SEPTIN7: variants seen among roughly 807,000 people sequenced by gnomAD.
SEPTIN7 encodes the protein septin 7, also known as septin-7.
A neutral mutation model predicts 63.3 loss-of-function variants in SEPTIN7; 10 were observed. The ratio of observed to expected loss-of-function variants is 0.16; its 90% CI spans 0.10 to 0.27. The LOEUF (loss-of-function observed/expected upper bound fraction) is 0.27. Among genes scored for constraint, SEPTIN7 ranks in the 10% least tolerant of loss-of-function variants. SEPTIN7 has a pLI of 1.00. For synonymous variants in SEPTIN7, 131 were observed against 165.3 expected (o/e 0.79, Z 1.59); for missense variants, 310 against 521.0 (o/e 0.59, Z 3.94).
At chr7:35,824,224 T>C (rs1783390654) in intron 1 of SEPTIN7, among the ~76,000 whole-genome samples, 1 of 152,192 alleles carries the variant, frequency 6.6e-6, no homozygotes, top group Non-Finnish European at 1.5e-5. Flanking sequence ...AGTAGATTTT[T>C]CTGTATCCTT....
In SEPTIN7 at chr7:35,865,995, G is replaced by A. The variant is rs188069599; in HGVS notation, c.276+2337G>A. Among the ~76,000 whole-genome samples, 370 of 152,310 alleles carry A rather than the reference G, an allele frequency of 2.4e-3. 2 individuals carry two copies. The highest frequency in any genetic ancestry group is 8.4e-3 in the African/African-American group (348 of 41,568). On this transcript the variant is annotated intron_variant, in intron 4 of 13. Transcript: ENST00000350320. Reference sequence around the variant, plus strand: ...AAACTCTCTTTATCTTGAAAACAAAGGGGTAATGGAGGTAAGAATATCTCT... The same window carrying A: ...AAACTCTCTTTATCTTGAAAACAAAAGGGTAATGGAGGTAAGAATATCTCT...
intron 1 of SEPTIN7, among the ~76,000 whole-genome samples, chr7:35,815,826 T>A (rs1251080153): frequency 1.3e-5 from 2 of 152,240 alleles, no homozygotes; most frequent in Admixed American, 6.5e-5. Flanking sequence ...TTTTGTTTTT[T>A]TAATGGGAAT....
intron 3 of SEPTIN7, among the ~76,000 whole-genome samples, chr7:35,860,917 CTGT>C (rs1364828354): frequency 6.6e-6 from 1 of 152,130 alleles, no homozygotes; most frequent in Non-Finnish European, 1.5e-5. Context: ...CATGTAATCT[CTGT>C]TCATTTCTCT....
chr7:35,827,012 G>T (rs1312072807), intron 1 of SEPTIN7, among the ~76,000 whole-genome samples: 1 of 152,136 alleles, frequency 6.6e-6, no homozygotes, highest in Non-Finnish European at 1.5e-5. Flanking sequence ...AGGAAGGTTA[G>T]AACTAAGTTA....
intron 2 of SEPTIN7, 45 bp from the exon 3 acceptor site, chr7:35,832,753 G>A: frequency 1.0e-6 from 1 of 998,236 alleles, no homozygotes; most frequent in Non-Finnish European, 1.6e-6. Flanking sequence ...TGATTGAATA[G>A]TACTGTTGAT....
At chr7:35,902,909 AAGG>A (rs1170858367) in intron 12 of SEPTIN7, 164 bp from the exon 13 acceptor site, 13 of 1,061,770 alleles carry the variant, frequency 1.2e-5, no homozygotes, top group African/African-American at 1.7e-5. Context: ...GCAGGTCCTA[AAGG>A]AGGAGGAGTC....
At chr7:35,848,843 G>T (rs1482242125) in intron 3 of SEPTIN7, among the ~76,000 whole-genome samples, 2 of 152,146 alleles carry the variant, frequency 1.3e-5, no homozygotes, top group Non-Finnish European at 2.9e-5. Context: ...CTTGAACTGG[G>T]TTGTATAAAG....
Position 35,904,297 on chromosome 7 carries a change from C to T in SEPTIN7, c.*4C>T. The T allele has an allele frequency of 6.4e-7, 1 of 1,557,860 alleles. No homozygotes were observed. The highest frequency in any genetic ancestry group is 8.7e-7 in the Non-Finnish European group (1 of 1,151,136). ...GAAGAAAGGGAAGATCTTTTAAACT[C>T]TCTATTGACCACCAGTTAACGTATT... is the stretch of plus-strand genomic sequence containing the variant. On this transcript the variant is annotated 3_prime_UTR_variant, in exon 14 of 14. Transcript: ENST00000350320.
chr7:35,803,118 A>G, intron 1 of SEPTIN7: 2 of 946,998 alleles, frequency 2.1e-6, no homozygotes, highest in African/African-American at 1.8e-5. Flanking sequence ...TTTAAAAAGA[A>G]AGGATATTGT....
At chr7:35,840,201 TC>T (rs1473745117) in intron 3 of SEPTIN7, among the ~76,000 whole-genome samples, 1 of 57,600 alleles carries the variant, frequency 1.7e-5, no homozygotes, top group African/African-American at 7.1e-5. Context: ...CCCTTCCCCC[TC>T]CCCCCTTTCC....
chr7:35,847,602 T>C (rs1401778199), intron 3 of SEPTIN7, among the ~76,000 whole-genome samples: 1 of 152,270 alleles, frequency 6.6e-6, no homozygotes, highest in Non-Finnish European at 1.5e-5. Context: ...ACTTTTTTAA[T>C]GTCAAAAGTC....
chr7:35,820,538 T>C (rs1049523942), intron 1 of SEPTIN7, among the ~76,000 whole-genome samples: 2 of 152,306 alleles, frequency 1.3e-5, no homozygotes, highest in African/African-American at 4.8e-5. Context: ...GTGAATACTT[T>C]TATTTATTAT....
chr7:35,852,898 C>T (rs1022116273), intron 3 of SEPTIN7, among the ~76,000 whole-genome samples: 10 of 151,952 alleles, frequency 6.6e-5, no homozygotes, highest in Non-Finnish European at 1.2e-4. Flanking sequence ...CTTGAAAGGA[C>T]GTAGATCTAT....
intron 1 of SEPTIN7, among the ~76,000 whole-genome samples, chr7:35,829,224 C>T (rs959728205): frequency 1.3e-5 from 2 of 148,978 alleles, no homozygotes; most frequent in Non-Finnish European, 3.0e-5. Flanking sequence ...CAGCTTCCAC[C>T]CCCTAGGCAG....
chr7:35,898,092 C>G, intron 11 of SEPTIN7, 156 bp from the exon 12 acceptor site: 1 of 505,192 alleles, frequency 2.0e-6, no homozygotes, highest in Non-Finnish European at 3.3e-6. Flanking sequence ...CATAAATAAT[C>G]AAGTTTTATA....
chr7:35,886,556 T>C (rs1787260174), intron 10 of SEPTIN7, among the ~76,000 whole-genome samples: 2 of 152,202 alleles, frequency 1.3e-5, no homozygotes, highest in South Asian at 4.1e-4. Flanking sequence ...AAAATGATCC[T>C]CAGTATTTTC....
chr7:35,827,339 T>C (rs1438680910), intron 1 of SEPTIN7, among the ~76,000 whole-genome samples: 1 of 152,148 alleles, frequency 6.6e-6, no homozygotes, highest in Non-Finnish European at 1.5e-5. Flanking sequence ...TCCCGAGATA[T>C]TTCACACTGG....
intron 3 of SEPTIN7, among the ~76,000 whole-genome samples, chr7:35,857,888 G>C (rs928983983): frequency 1.1e-4 from 16 of 152,092 alleles, no homozygotes; most frequent in African/African-American, 2.4e-5. Context: ...TCAAAAAAAG[G>C]GGGGTGGGGT....
At chr7:35,870,347 G>T in intron 4 of SEPTIN7, among the ~76,000 whole-genome samples, 1 of 152,078 alleles carries the variant, frequency 6.6e-6, no homozygotes, top group Non-Finnish European at 1.5e-5. Flanking sequence ...TGTGTAATTG[G>T]TATACAGCAT....
Sources: allele counts gnomAD v4.1 joint callset (sites outside exome capture counted in the v4.1 genomes callset), GRCh38; gene constraint gnomAD v4.1.1; transcripts MANE v1.5; gene names NCBI Gene and HGNC (gene_info 2026-07-23, HGNC 2026-07-21).